The following LSAMP variants were observed in gnomAD, a reference collection of about 807,000 sequenced individuals.
LSAMP encodes limbic system associated membrane protein.
In LSAMP, 7 loss-of-function variants were observed where a neutral mutation model predicts 38.6. That is an observed-to-expected ratio of 0.18 (90% CI 0.10 to 0.34). The LOEUF is 0.34. Ranked by LOEUF, LSAMP falls within the 10% of genes least tolerant of loss-of-function variation. The pLI is 1.00. For synonymous variants in LSAMP, 154 were observed against 166.8 expected, an observed-to-expected ratio of 0.92 and a Z score of 0.59; for missense variants, 313 against 420.0, an observed-to-expected ratio of 0.75 and a Z score of 2.23.
chr3:116,344,933 C>T (rs755096386), intron 1 of LSAMP, among the ~76,000 whole-genome samples: 2 of 152,144 alleles, frequency 1.3e-5, no homozygotes, highest in Non-Finnish European at 2.9e-5. Flanking sequence ...GTAGGCATTC[C>T]TTAAAACTTG....
At chr3:116,135,017 C>A (rs1363009934) in intron 1 of LSAMP, among the ~76,000 whole-genome samples, 2 of 152,086 alleles carry the variant, frequency 1.3e-5, no homozygotes, top group South Asian at 2.1e-4. Flanking sequence ...GTATAGAAAG[C>A]ACTCAACATA....
At chr3:116,270,489 A>G (rs138593428) in intron 1 of LSAMP, among the ~76,000 whole-genome samples, 1 of 152,254 alleles carries the variant, frequency 6.6e-6, no homozygotes, top group East Asian at 1.9e-4. Context: ...AGTAATACCA[A>G]AGATGGGTCT....
Position 115,948,070 on chromosome 3 carries a change from G to C in LSAMP, c.514+71445C>G, listed in dbSNP as rs115428528. Among the ~76,000 whole-genome samples the C allele has an allele frequency of 6.7e-3, 1,019 of 152,178 alleles. 4 individuals are homozygous for C. Among genetic ancestry groups the C allele is most frequent in the Non-Finnish European group, 0.011 (727 of 68,018 alleles). Reference sequence around the variant, plus strand: ...CATGAGAGTGTGCAATAAAAATCTGGGGACAAAATAGTAAAGTCCAAGAAC... The same window carrying C: ...CATGAGAGTGTGCAATAAAAATCTGCGGACAAAATAGTAAAGTCCAAGAAC... On this transcript the variant is annotated intron_variant, in intron 3 of 6. Coordinates refer to ENST00000490035, the MANE Select transcript of LSAMP (RefSeq NM_002338.5).
chr3:116,256,356 T>C (rs1038802627), intron 1 of LSAMP, among the ~76,000 whole-genome samples: 1 of 152,158 alleles, frequency 6.6e-6, no homozygotes, highest in African/African-American at 2.4e-5. Flanking sequence ...CGTGGAAAGA[T>C]AGAATATCAC....
At chr3:116,092,729 G>A (rs1485753871) in intron 1 of LSAMP, among the ~76,000 whole-genome samples, 1 of 152,080 alleles carries the variant, frequency 6.6e-6, no homozygotes, top group South Asian at 2.1e-4. Context: ...CAAGAGTGGG[G>A]GTTATACTGC....
At chr3:116,268,049 A>G (rs770115223) in intron 1 of LSAMP, among the ~76,000 whole-genome samples, 7 of 152,162 alleles carry the variant, frequency 4.6e-5, no homozygotes, top group African/African-American at 1.7e-4. Flanking sequence ...TGCTCTGGAC[A>G]TCTCTTCTGG....
chr3:116,284,630 C>T (rs926635252), intron 1 of LSAMP, among the ~76,000 whole-genome samples: 5 of 152,192 alleles, frequency 3.3e-5, no homozygotes, highest in Non-Finnish European at 7.3e-5. Context: ...GGCATTTACA[C>T]TTTTTGGTAT....
At chr3:116,047,349 T>G (rs2107727371) in intron 2 of LSAMP, among the ~76,000 whole-genome samples, 1 of 149,588 alleles carries the variant, frequency 6.7e-6, no homozygotes, top group Admixed American at 6.7e-5. Flanking sequence ...GTTCCTAGTG[T>G]CTTTCTTAAA....
At chr3:116,424,539 A>G (rs2049169408) in intron 1 of LSAMP, among the ~76,000 whole-genome samples, 1 of 152,258 alleles carries the variant, frequency 6.6e-6, no homozygotes, top group Non-Finnish European at 1.5e-5. Context: ...AACCCAGAAT[A>G]CGGCAGTACA....
chr3:116,222,826 C>T (rs1325255746), intron 1 of LSAMP, among the ~76,000 whole-genome samples: 1 of 147,196 alleles, frequency 6.8e-6, no homozygotes, highest in Non-Finnish European at 1.5e-5. Flanking sequence ...AGCTCTGCCT[C>T]CCGGGTTCAC....
chr3:115,945,873 C>A (rs1938081054), intron 3 of LSAMP, among the ~76,000 whole-genome samples: 1 of 152,246 alleles, frequency 6.6e-6, no homozygotes, highest in African/African-American at 2.4e-5. Flanking sequence ...GACATTATTA[C>A]CTACTTAGTT....
At chr3:116,282,272 A>G (rs1274606339) in intron 1 of LSAMP, among the ~76,000 whole-genome samples, 2 of 152,202 alleles carry the variant, frequency 1.3e-5, no homozygotes, top group Admixed American at 6.5e-5. Context: ...CAGTTTTGTA[A>G]GAGCAAGAAT....
At chr3:115,965,362 G>A (rs1410758315) in intron 3 of LSAMP, among the ~76,000 whole-genome samples, 1 of 151,586 alleles carries the variant, frequency 6.6e-6, no homozygotes, top group South Asian at 2.1e-4. Context: ...TACTCAAAAT[G>A]TACAGAAAAT....
chr3:116,406,262 T>C (rs2048896175), intron 1 of LSAMP, among the ~76,000 whole-genome samples: 1 of 152,100 alleles, frequency 6.6e-6, no homozygotes, highest in African/African-American at 2.4e-5. Context: ...TAAATTAGCA[T>C]ACAAAGAGAA....
At chr3:115,903,197 T>C (rs1936922978) in intron 3 of LSAMP, among the ~76,000 whole-genome samples, 1 of 152,142 alleles carries the variant, frequency 6.6e-6, no homozygotes, top group Admixed American at 6.6e-5. Context: ...GGAACATGGA[T>C]GGAGCTGGAA....
chr3:115,833,447 A>T (rs1934684762), intron 6 of LSAMP, among the ~76,000 whole-genome samples: 1 of 151,026 alleles, frequency 6.6e-6, no homozygotes, highest in African/African-American at 2.4e-5. Context: ...ATTTGATAAT[A>T]ACTCTTATTA....
intron 6 of LSAMP, among the ~76,000 whole-genome samples, chr3:115,834,968 T>G (rs1258018395): frequency 6.6e-6 from 1 of 152,098 alleles, no homozygotes; most frequent in Non-Finnish European, 1.5e-5. Flanking sequence ...TTGGTCTTGG[T>G]TCTCGTCTCT....
At chr3:116,220,252 TA>T (rs1253353459) in intron 1 of LSAMP, among the ~76,000 whole-genome samples, 6 of 135,020 alleles carry the variant, frequency 4.4e-5, no homozygotes, top group Admixed American at 4.0e-4. Flanking sequence ...ATAACTATTA[TA>T]AAAAAACAGA....
chr3:116,230,374 A>G (rs973662200), intron 1 of LSAMP, among the ~76,000 whole-genome samples: 1 of 152,194 alleles, frequency 6.6e-6, no homozygotes, highest in Admixed American at 6.5e-5. Context: ...GTACAGCAAA[A>G]AGTGAATGGA....
Sources: gnomAD v4.1 joint callset for allele counts (sites outside exome capture counted in the v4.1 genomes callset) on GRCh38, gnomAD v4.1.1 for gene constraint, MANE v1.5 for transcripts, NCBI Gene and HGNC (gene_info 2026-07-23, HGNC 2026-07-21) for gene names.